The following SPTB variants were observed in gnomAD, a reference collection of about 807,000 sequenced individuals.
SPTB encodes spectrin beta, erythrocytic.
Under a neutral mutation model 256.2 loss-of-function variants are expected in SPTB, and 45 were observed. That is an observed-to-expected ratio of 0.18 (90% CI 0.14 to 0.23). The LOEUF (loss-of-function observed/expected upper bound fraction) is 0.23. SPTB is among the 10% of genes least tolerant of loss of function. The pLI is 1.00. For missense variants in SPTB, 2,715 were observed against 3,040.4 expected, an observed-to-expected ratio of 0.89 and a Z score of 2.52; for synonymous variants, 1,231 against 1,243.1, an observed-to-expected ratio of 0.99 and a Z score of 0.21.
intron 33 of SPTB, among the ~76,000 whole-genome samples, chr14:64,753,024 G>A (rs1330431575): frequency 6.6e-6 from 1 of 152,114 alleles, no homozygotes; most frequent in African/African-American, 2.4e-5. Context: ...AGGGACCTCT[G>A]GGGGGCAACT....
chr14:64,832,476 G>A lies in SPTB; in HGVS notation c.-51-9331C>T, dbSNP rs902380392. Among the ~76,000 whole-genome samples, 7 of 152,064 alleles carry A rather than the reference G, an allele frequency of 4.6e-5. No individual in the cohort carries two copies. In the Middle Eastern group the frequency reaches 0.014, roughly 296 times the overall value. ...GTGATGCTCCCAAGTTATCTCCTGGGCCCCTCCACTTCTTCCTCTGTCTAC... is the reference window on the plus strand; with the variant it reads ...GTGATGCTCCCAAGTTATCTCCTGGACCCCTCCACTTCTTCCTCTGTCTAC... On this transcript the variant is annotated intron_variant, in intron 1 of 35. Transcript: ENST00000644917.
At position 64,799,942 on chromosome 14, in the gene SPTB, A is replaced by G. The variant is rs2082850130; in HGVS notation, c.877-8T>C. Reference sequence around the variant, plus strand: ...AATGGCATGGTCAATAACCTAAGGAATCATCTTCTTACTTATTCTCATCAG... The same window carrying G: ...AATGGCATGGTCAATAACCTAAGGAGTCATCTTCTTACTTATTCTCATCAG... On this transcript the variant is annotated splice_polypyrimidine_tract_variant and splice_region_variant and intron_variant, in intron 8 of 35. Transcript: ENST00000644917. The G allele has an allele frequency of 6.2e-7, 1 of 1,613,972 alleles. No individual in the cohort carries two copies. Among genetic ancestry groups the G allele is most frequent in the Non-Finnish European group, 8.5e-7 (1 of 1,180,012 alleles).
At chr14:64,821,751 C>G (rs1410616351) in intron 2 of SPTB, among the ~76,000 whole-genome samples, 3 of 152,110 alleles carry the variant, frequency 2.0e-5, no homozygotes, top group Non-Finnish European at 4.4e-5. Context: ...AGCAAGGACA[C>G]CAGGGGTAAT....
At position 64,759,290 on chromosome 14, in the gene SPTB, C is replaced by T. The variant is rs1229774125; in HGVS notation, c.6346-5497G>A. On this transcript the variant is annotated intron_variant, in intron 32 of 35. Coordinates refer to ENST00000644917, the MANE Select transcript of SPTB (RefSeq NM_001355436.2). This position sits in a 1 kb window ranked among gnomAD's most constrained non-coding sequence, Gnocchi z 4.8. ...TAGCTGGGCAGGGACCCACCCATGACCCCCTGGCTGCGAACCTGCAGTGGG... is the reference window on the plus strand; with the variant it reads ...TAGCTGGGCAGGGACCCACCCATGATCCCCTGGCTGCGAACCTGCAGTGGG... Among the ~76,000 whole-genome samples the T allele has an allele frequency of 1.3e-5, 2 of 152,192 alleles. No homozygotes were observed. The highest frequency in any genetic ancestry group is 1.3e-4 in the Admixed American group (2 of 15,286).
intron 2 of SPTB, among the ~76,000 whole-genome samples, chr14:64,808,524 C>T (rs970412612): frequency 1.3e-5 from 2 of 152,114 alleles, no homozygotes; most frequent in African/African-American, 4.8e-5. Flanking sequence ...TCAAATATAT[C>T]CAGTAATAAG....
In SPTB at chr14:64,825,435, G is replaced by A. The variant is rs571331953; in HGVS notation, c.-51-2290C>T. 3.9e-5 allele frequency among the ~76,000 whole-genome samples: 6 copies of A among 151,996 alleles called. No individual in the cohort carries two copies. The highest frequency in any genetic ancestry group is 7.4e-5 in the Non-Finnish European group (5 of 67,970). On this transcript the variant is annotated intron_variant, in intron 1 of 35. Transcript: ENST00000644917. This position sits in a 1 kb window ranked among gnomAD's most constrained non-coding sequence, Gnocchi z 4.8. ...CCCAACTGGCTGGGCAACGATAGCC[G>A]GGAAAGATACCCCCCACCCCCGGCC... is the stretch of plus-strand genomic sequence containing the variant.
rs747251107 is a variant in SPTB, at chr14:64,774,470, C to T, written c.4900G>A (p.Glu1634Lys). 6.4e-7 allele frequency: 1 copy of T among 1,558,684 alleles called. No homozygotes were observed. The highest frequency in any genetic ancestry group is 1.4e-5 in the African/African-American group (1 of 73,474). ...KRHLRQQRAVEDYGRNIKQLA... is the reference protein window; with the variant it reads ...KRHLRQQRAVKDYGRNIKQLA... ...TGCTTGATGTTCCGGCCGTAGTCCTCCACCGCACGCTGCTGCCGCAAATGT... is the reference window on the plus strand; with the variant it reads ...TGCTTGATGTTCCGGCCGTAGTCCTTCACCGCACGCTGCTGCCGCAAATGT... The change falls in exon 24 of 36, where the codon GAG becomes AAG. Residue 1634 changes from glutamate to lysine, a missense_variant. By Grantham distance (56) the Glu-to-Lys change is moderately conservative. Coordinates refer to ENST00000644917, the MANE Select transcript of SPTB (RefSeq NM_001355436.2).
In SPTB at chr14:64,772,529, C is replaced by T; in HGVS notation, c.5553+51G>A. 3 of 1,595,168 alleles carry T rather than the reference C, an allele frequency of 1.9e-6. No individual in the cohort carries two copies. Among genetic ancestry groups the T allele is most frequent in the Non-Finnish European group, 2.5e-6 (3 of 1,178,564 alleles). On this transcript the variant is annotated intron_variant, in intron 26 of 35. Coordinates refer to ENST00000644917, the MANE Select transcript of SPTB (RefSeq NM_001355436.2). This position sits in a 1 kb window ranked among gnomAD's most constrained non-coding sequence, Gnocchi z 5.4. The stretch of plus-strand genomic sequence containing the variant: ...CTGACAGCCAGGTGGGGACTGACAC[C>T]CAGGGCTCCTGGAAATTGGTAGCAG...
chr14:64,844,369 C>T lies in SPTB; in HGVS notation c.-51-21224G>A, dbSNP rs2083656131. Among the ~76,000 whole-genome samples the T allele has an allele frequency of 6.6e-6, 1 of 152,208 alleles. No individual in the cohort carries two copies. The highest frequency in any genetic ancestry group is 2.1e-4 in the South Asian group (1 of 4,830). On this transcript the variant is annotated intron_variant, in intron 1 of 35. Transcript: ENST00000644917. The surrounding 1 kb of genome is among the most constrained non-coding windows in gnomAD (Gnocchi z 4.1). ...AACAGACATTTGTAGAATACCATCACCCCCAACAACGAAACAACCATGTTT... is the reference window on the plus strand; with the variant it reads ...AACAGACATTTGTAGAATACCATCATCCCCAACAACGAAACAACCATGTTT...
rs2081983553 is a variant in SPTB, at chr14:64,753,724, G to A, written c.6415C>T (p.Gln2139Ter). ...GGCCTCTCATCCCCAGTGGATTTCT[G>A]CCCATCCTTGTGCTGACCCGGCGGT... The part of the protein sequence containing the change: ...PPPPGQHKDG[Q>*]KSTGDERPTT... Residue 2139 changes from glutamine (Q) to a stop codon, truncating the protein, a stop_gained, in exon 33 of 36, where the codon CAG becomes TAG. Coordinates refer to ENST00000644917, the MANE Select transcript of SPTB (RefSeq NM_001355436.2). LOFTEE classifies it high-confidence loss of function. 6 of 1,613,796 alleles carry A rather than the reference G, an allele frequency of 3.7e-6. No individual in the cohort carries two copies. Among genetic ancestry groups the A allele is most frequent in the Non-Finnish European group, 5.1e-6 (6 of 1,180,024 alleles).
Position 64,767,287 on chromosome 14 carries a change from C to G in SPTB, c.6269+16G>C, listed in dbSNP as rs757082516. 6.2e-7 allele frequency: 1 copy of G among 1,613,884 alleles called. No individual in the cohort carries two copies. The highest frequency in any genetic ancestry group is 1.1e-5 in the South Asian group (1 of 91,084). On this transcript the variant is annotated intron_variant, in intron 31 of 35. Transcript: ENST00000644917. ...GGCAGAGCATTCAGCTCCCTGGACACACGGCCACCACTCACCCAGTCTCCT... is the reference window on the plus strand; with the variant it reads ...GGCAGAGCATTCAGCTCCCTGGACAGACGGCCACCACTCACCCAGTCTCCT...
Position 64,784,388 on chromosome 14 carries a change from A to G in SPTB, c.3861T>C (p.Thr1287=), listed in dbSNP as rs767260852. Residue 1287 remains threonine, a synonymous_variant, in exon 19 of 36, where the codon ACT becomes ACC. Coordinates refer to ENST00000644917, the MANE Select transcript of SPTB (RefSeq NM_001355436.2). ...QNFLQNCQEL[T]LWINDKLLTS... is the part of the protein sequence containing the mutation. Reference sequence around the variant, plus strand: ...TCAGCAGCTTGTCGTTGATCCAGAGAGTGAGCTGTGTGCATAAAGAGTGGG... The same window carrying G: ...TCAGCAGCTTGTCGTTGATCCAGAGGGTGAGCTGTGTGCATAAAGAGTGGG... The G allele has an allele frequency of 1.2e-6, 2 of 1,614,188 alleles. No individual in the cohort carries two copies. The highest frequency in any genetic ancestry group is 1.7e-6 in the Non-Finnish European group (2 of 1,180,040).
At chr14:64,791,356 C>T (rs956946967) in intron 15 of SPTB, among the ~76,000 whole-genome samples, 3 of 151,902 alleles carry the variant, frequency 2.0e-5, no homozygotes, top group Non-Finnish European at 2.9e-5. Context: ...TCGCTTGAGG[C>T]CAGGAATGAG....
At position 64,784,394 on chromosome 14, in the gene SPTB, C is replaced by T; in HGVS notation, c.3856-1G>A. On this transcript the variant is annotated splice_acceptor_variant, in intron 18 of 35. Coordinates refer to ENST00000644917, the MANE Select transcript of SPTB (RefSeq NM_001355436.2). LOFTEE classifies it high-confidence loss of function. ...GCTTGTCGTTGATCCAGAGAGTGAG[C>T]TGTGTGCATAAAGAGTGGGCTGACT... 6.2e-7 allele frequency: 1 copy of T among 1,614,130 alleles called. No individual in the cohort carries two copies. The highest frequency in any genetic ancestry group is 8.5e-7 in the Non-Finnish European group (1 of 1,180,034).
At chr14:64,860,036 T>C (rs182788604) in intron 1 of SPTB, among the ~76,000 whole-genome samples, 3 of 152,172 alleles carry the variant, frequency 2.0e-5, no homozygotes, top group East Asian at 1.9e-4. Flanking sequence ...AAAATACTTT[T>C]CCCCCCTAGA....
chr14:64,829,236 T>G (rs4899147), intron 1 of SPTB, among the ~76,000 whole-genome samples: 21,414 of 152,106 alleles, frequency 0.14, 1,584 homozygotes, highest in African/African-American at 0.17. Context: ...AATAACAACT[T>G]GAGGAAGCAA....
chr14:64,798,839 G>T (rs1052427354), intron 9 of SPTB, among the ~76,000 whole-genome samples: 1 of 152,222 alleles, frequency 6.6e-6, no homozygotes, highest in Non-Finnish European at 1.5e-5. Context: ...TGGGAGATGG[G>T]GGGAAGAGCA....
Position 64,786,364 on chromosome 14 carries a change from C to T in SPTB, c.3561+40G>A, listed in dbSNP as rs759827829. On this transcript the variant is annotated intron_variant, in intron 16 of 35. Coordinates refer to ENST00000644917, the MANE Select transcript of SPTB (RefSeq NM_001355436.2). The surrounding 1 kb of genome is among the most constrained non-coding windows in gnomAD (Gnocchi z 5.6). The stretch of plus-strand genomic sequence containing the variant: ...TGGACTCACCACAAGAGCTACTGCC[C>T]TGAGAGACCCGCCTGTCCCAGCCCT... 1 of 1,612,772 alleles carries T rather than the reference C, an allele frequency of 6.2e-7. No individual in the cohort carries two copies. Among genetic ancestry groups the T allele is most frequent in the South Asian group, 1.1e-5 (1 of 90,994 alleles).
In SPTB at chr14:64,799,451, T is replaced by C. The variant is rs185894387; in HGVS notation, c.1064+296A>G. On this transcript the variant is annotated intron_variant, in intron 9 of 35. Coordinates refer to ENST00000644917, the MANE Select transcript of SPTB (RefSeq NM_001355436.2). ...GAGAGGAGCTTTCCAGCCTGGGTTC[T>C]TCAAAGAGACTCAGAAGCCTATGAT... Among the ~76,000 whole-genome samples, 73 of 152,358 alleles carry C rather than the reference T, an allele frequency of 4.8e-4. No homozygotes were observed. In the Middle Eastern group the frequency reaches 0.014, roughly 28 times the overall value.
Sources: gnomAD v4.1 joint callset for allele counts (sites outside exome capture counted in the v4.1 genomes callset) on GRCh38, gnomAD v4.1.1 for gene constraint, Gnocchi (gnomAD v3.1) non-coding constraint, MANE v1.5 for transcripts, NCBI Gene and HGNC (gene_info 2026-07-23, HGNC 2026-07-21) for gene names.